The following DNAJC24 variants were observed in gnomAD, a reference collection of about 807,000 sequenced individuals.
The protein encoded by DNAJC24 is DnaJ heat shock protein family (Hsp40) member C24, also known as dnaJ homolog subfamily C member 24.
A neutral mutation model predicts 18.0 loss-of-function variants in DNAJC24; 17 were observed. The ratio of observed to expected loss-of-function variants is 0.94; its 90% CI spans 0.65 to 1.42. DNAJC24 has a LOEUF of 1.42. Ranked by LOEUF, DNAJC24 falls within the 40% of genes most tolerant of loss-of-function variation. The pLI is 0.00. For missense variants in DNAJC24, 158 were observed against 175.6 expected (o/e 0.90, Z 0.57); for synonymous variants, 55 against 57.7 (o/e 0.95, Z 0.21).
intron 3 of DNAJC24, among the ~76,000 whole-genome samples, chr11:31,424,655 A>C (rs1314888395): frequency 1.3e-5 from 2 of 152,234 alleles, no homozygotes; most frequent in African/African-American, 2.4e-5. Flanking sequence ...CCACTAGGCA[A>C]AATCCTTATC....
chr11:31,430,056 C>A (rs1388454416), intron 4 of DNAJC24, among the ~76,000 whole-genome samples: 1 of 152,174 alleles, frequency 6.6e-6, no homozygotes, highest in African/African-American at 2.4e-5. Context: ...ATAGCTTCAA[C>A]CCATCTCCTC....
chr11:31,402,473 G>A (rs1952608929), intron 2 of DNAJC24, among the ~76,000 whole-genome samples: 1 of 152,086 alleles, frequency 6.6e-6, no homozygotes, highest in Non-Finnish European at 1.5e-5. Flanking sequence ...TAAATAATTA[G>A]CCTTAGCTTA....
chr11:31,404,277 T>A (rs1952632664), intron 2 of DNAJC24, among the ~76,000 whole-genome samples: 1 of 152,226 alleles, frequency 6.6e-6, no homozygotes. Context: ...TAGTCCCATT[T>A]TACCCAGCTC....
rs1249237102 is a variant in DNAJC24, at chr11:31,374,434, C to T, written c.111+3575C>T. 1.5e-5 allele frequency among the ~76,000 whole-genome samples: 2 copies of T among 133,128 alleles called. 1 individual carries two copies. The highest frequency in any genetic ancestry group is 3.5e-5 in the Non-Finnish European group (2 of 57,770). The allele number at this position is 133,128 out of a possible 152,430, so 87.3% of individuals were successfully genotyped here. A position where few individuals can be genotyped will look rare whatever the true frequency, so the allele number is the denominator to read the frequency against. The stretch of plus-strand genomic sequence containing the variant: ...TCTTAAGTTAAACCCACTTCTCATC[C>T]CTAGGATAAACAAACCACTTATCAT... On this transcript the variant is annotated intron_variant, in intron 2 of 4. Transcript: ENST00000465995.
chr11:31,399,064 T>G (rs1364594712), intron 2 of DNAJC24, among the ~76,000 whole-genome samples: 1 of 152,196 alleles, frequency 6.6e-6, no homozygotes, highest in African/African-American at 2.4e-5. Context: ...TTATTTGATT[T>G]GCTTTGGGGG....
intron 3 of DNAJC24, 75 bp from the exon 4 acceptor site, chr11:31,426,210 TGC>T: frequency 1.1e-6 from 1 of 926,984 alleles, no homozygotes; most frequent in Non-Finnish European, 1.7e-6. Context: ...AGGCTGGCGT[TGC>T]CTTTTTAGCA....
intron 3 of DNAJC24, chr11:31,416,510 C>G (rs1952752732): frequency 6.6e-6 from 1 of 152,090 alleles, no homozygotes; most frequent in African/African-American, 2.4e-5. Context: ...TTACTAGTCT[C>G]TACTATATAG....
intron 2 of DNAJC24, among the ~76,000 whole-genome samples, chr11:31,412,469 G>C (rs964809375): frequency 5.3e-5 from 8 of 152,116 alleles, no homozygotes; most frequent in African/African-American, 1.9e-4. Flanking sequence ...TACTAAGCTT[G>C]TTAGACAATT....
intron 2 of DNAJC24, among the ~76,000 whole-genome samples, chr11:31,382,974 G>A (rs985636303): frequency 3.9e-5 from 6 of 152,054 alleles, no homozygotes; most frequent in African/African-American, 1.2e-4. Flanking sequence ...TACAGAACTC[G>A]GAAAATTTAC....
At chr11:31,430,235 C>T (rs774291353) in intron 4 of DNAJC24, 36 bp from the exon 5 acceptor site, 43 of 1,581,656 alleles carry the variant, frequency 2.7e-5, no homozygotes, top group Admixed American at 1.0e-4. Flanking sequence ...TAGTTACTTA[C>T]AAGTCTTTGA....
At chr11:31,404,981 G>A (rs1025074645) in intron 2 of DNAJC24, among the ~76,000 whole-genome samples, 4 of 151,824 alleles carry the variant, frequency 2.6e-5, no homozygotes, top group Admixed American at 6.5e-5. Context: ...TCCCTTTTTG[G>A]TAGTACAGAA....
chr11:31,379,902 C>T (rs994625854), intron 2 of DNAJC24, among the ~76,000 whole-genome samples: 8 of 151,954 alleles, frequency 5.3e-5, no homozygotes, highest in African/African-American at 1.2e-4. Context: ...GGATTACAGG[C>T]GCCCGCTACC....
chr11:31,379,382 A>G (rs185804385), intron 2 of DNAJC24, among the ~76,000 whole-genome samples: 117 of 152,304 alleles, frequency 7.7e-4, no homozygotes, highest in African/African-American at 2.4e-3. Context: ...GAACAGTTTC[A>G]TTCTGAAACC....
At chr11:31,397,625 C>T (rs1388838575) in intron 2 of DNAJC24, among the ~76,000 whole-genome samples, 2 of 151,882 alleles carry the variant, frequency 1.3e-5, no homozygotes, top group Non-Finnish European at 2.9e-5. Context: ...AAAACAACAA[C>T]AAAACACAGC....
intron 3 of DNAJC24, chr11:31,422,152 G>T: frequency 4.5e-6 from 1 of 224,380 alleles, no homozygotes. Context: ...TACATTATTT[G>T]ATTTTAACAT....
chr11:31,407,903 C>G (rs186137283), intron 2 of DNAJC24, among the ~76,000 whole-genome samples: 2 of 150,460 alleles, frequency 1.3e-5, no homozygotes, highest in Admixed American at 6.6e-5. Flanking sequence ...AATTATGCCC[C>G]TCTCTTAAAA....
intron 2 of DNAJC24, among the ~76,000 whole-genome samples, chr11:31,392,841 G>T (rs1332254074): frequency 6.6e-6 from 1 of 151,748 alleles, no homozygotes; most frequent in Non-Finnish European, 1.5e-5. Context: ...TCCCGACGGG[G>T]TTTCACCATG....
At position 31,380,879 on chromosome 11, in the gene DNAJC24, A is replaced by T. The variant is rs191180927; in HGVS notation, c.111+10020A>T. ...TTGAGCCATTATTTTAGGCTCTAAA[A>T]ACATCTTGATGTTTTATTTGGCCTT... On this transcript the variant is annotated intron_variant, in intron 2 of 4. Transcript: ENST00000465995. Among the ~76,000 whole-genome samples the T allele has an allele frequency of 1.6e-3, 238 of 152,246 alleles. 1 individual carries two copies. The highest frequency in any genetic ancestry group is 3.3e-3 in the South Asian group (16 of 4,820).
chr11:31,428,279 G>A (rs541522323), intron 4 of DNAJC24, among the ~76,000 whole-genome samples: 1 of 152,110 alleles, frequency 6.6e-6, no homozygotes, highest in African/African-American at 2.4e-5. Context: ...AATCTTAAAA[G>A]TATAGGATGC....
Sources: allele counts gnomAD v4.1 joint callset (sites outside exome capture counted in the v4.1 genomes callset), GRCh38; gene constraint gnomAD v4.1.1; transcripts MANE v1.5; gene names NCBI Gene and HGNC (gene_info 2026-07-23, HGNC 2026-07-21).